Variants in HDAC9 observed in about 807,000 individuals in gnomAD.
The protein encoded by HDAC9 is histone deacetylase 9, also known as MEF-2 interacting transcription repressor (MITR) protein.
HDAC9 carries 41 observed loss-of-function variants against 139.4 expected under a neutral mutation model. The observed-to-expected ratio is 0.29, with a 90% confidence interval of 0.23 to 0.38. The LOEUF (loss-of-function observed/expected upper bound fraction) is 0.38, where lower values mean the gene tolerates loss of function less well. HDAC9 is among the 10% of genes least tolerant of loss of function. The probability of loss-of-function intolerance (pLI) is 1.00; values close to 1 mark genes in which losing one functional copy is unlikely to be tolerated. For synonymous variants in HDAC9, 517 were observed against 476.2 expected, an observed-to-expected ratio of 1.09 and a Z score of -1.12; for missense variants, 1,147 against 1,297.0, an observed-to-expected ratio of 0.88 and a Z score of 1.78.
chr7:18,426,829 A>G (rs2128757180), intron 1 of HDAC9, among the ~76,000 whole-genome samples: 1 of 152,378 alleles, frequency 6.6e-6, no homozygotes, highest in South Asian at 2.1e-4. Flanking sequence ...CACTAGACTC[A>G]GCAAACCTAT....
chr7:18,321,832 G>C (rs569536199), intron 1 of HDAC9, among the ~76,000 whole-genome samples: 1 of 152,254 alleles, frequency 6.6e-6, no homozygotes, highest in Non-Finnish European at 1.5e-5. Flanking sequence ...AAATTGGAGA[G>C]CTGTAACTTT....
intron 22 of HDAC9, among the ~76,000 whole-genome samples, chr7:18,912,313 A>G (rs1802813883): frequency 6.6e-6 from 1 of 152,110 alleles, no homozygotes; most frequent in Non-Finnish European, 1.5e-5. Context: ...ATGAACATAA[A>G]AACCTTTACC....
At chr7:18,138,401 G>A (rs577532351) in intron 1 of HDAC9, among the ~76,000 whole-genome samples, 85 of 152,120 alleles carry the variant, frequency 5.6e-4, no homozygotes, top group African/African-American at 2.0e-3. Context: ...ATTGCAAATG[G>A]TGTAAGAAGG....
intron 1 of HDAC9, among the ~76,000 whole-genome samples, chr7:18,463,308 T>C (rs1228419563): frequency 1.3e-5 from 2 of 152,030 alleles, no homozygotes; most frequent in African/African-American, 4.8e-5. Flanking sequence ...CGTGGTGTTA[T>C]TTCTTCCTTA....
intron 1 of HDAC9, among the ~76,000 whole-genome samples, chr7:18,306,238 TG>T (rs1798898788): frequency 6.6e-6 from 1 of 152,116 alleles, no homozygotes; most frequent in Admixed American, 6.5e-5. Flanking sequence ...CGTTATTAGT[TG>T]GGGGCTGCTG....
chr7:18,401,825 G>A (rs1461467570), intron 1 of HDAC9, among the ~76,000 whole-genome samples: 1 of 151,966 alleles, frequency 6.6e-6, no homozygotes, highest in Admixed American at 6.6e-5. Context: ...TTTTTATACA[G>A]GCAGTTTCTC....
chr7:18,392,309 TCTCTCTCACACA>T (rs1245930333), intron 1 of HDAC9, among the ~76,000 whole-genome samples: 7 of 131,242 alleles, frequency 5.3e-5, no homozygotes, highest in African/African-American at 9.8e-5. Flanking sequence ...TCTCTCTCTC[TCTCTCTCACACA>T]CACACACACA....
intron 9 of HDAC9, among the ~76,000 whole-genome samples, chr7:18,645,323 T>C (rs1480005257): frequency 6.6e-6 from 1 of 152,204 alleles, no homozygotes; most frequent in Non-Finnish European, 1.5e-5. Flanking sequence ...CGAATATGTA[T>C]CTGGAAAAAC....
rs370437825 is a variant in HDAC9 at position 18,883,823 on chromosome 7, A to G, written c.2803+9227A>G. 4.6e-5 allele frequency among the ~76,000 whole-genome samples: 7 copies of G among 152,108 alleles called. No homozygotes were observed. The East Asian group carries it at 1.2e-3, about 25-fold the overall frequency. ...CCAGCAAAAAAAACCTGATAAAACCAATAATTAAATACAGTAAACTTGCAG... is the reference window on the plus strand; with the variant it reads ...CCAGCAAAAAAAACCTGATAAAACCGATAATTAAATACAGTAAACTTGCAG... On this transcript the variant is annotated intron_variant, in intron 22 of 25. Coordinates refer to ENST00000686413, the MANE Select transcript of HDAC9 (RefSeq NM_178425.4).
At chr7:18,129,880 G>T (rs1784897217) in intron 1 of HDAC9, among the ~76,000 whole-genome samples, 2 of 152,124 alleles carry the variant, frequency 1.3e-5, no homozygotes, top group Non-Finnish European at 2.9e-5. Context: ...AGAGCATCCG[G>T]TTTCAAGTGA....
At chr7:18,209,000 A>G (rs1382129313) in intron 2 of HDAC9, among the ~76,000 whole-genome samples, 1 of 152,228 alleles carries the variant, frequency 6.6e-6, no homozygotes, top group African/African-American at 2.4e-5. Flanking sequence ...AAACAAAAGT[A>G]ATTAGTCAAC....
chr7:18,437,538 T>C (rs1791322081), intron 1 of HDAC9, among the ~76,000 whole-genome samples: 1 of 150,222 alleles, frequency 6.7e-6, no homozygotes, highest in Non-Finnish European at 1.5e-5. Context: ...TGTATATATA[T>C]ATATAATCTG....
At chr7:18,511,133 A>G (rs1249257970) in intron 2 of HDAC9, among the ~76,000 whole-genome samples, 1 of 152,182 alleles carries the variant, frequency 6.6e-6, no homozygotes, top group African/African-American at 2.4e-5. Context: ...ATCATTGTTC[A>G]TTTGTTTGCT....
At chr7:18,257,199 G>A (rs895377450) in intron 2 of HDAC9, among the ~76,000 whole-genome samples, 6 of 151,082 alleles carry the variant, frequency 4.0e-5, no homozygotes, top group East Asian at 2.0e-4. Flanking sequence ...ATTGGGTCAG[G>A]TGTGGTGGTT....
intron 2 of HDAC9, among the ~76,000 whole-genome samples, chr7:18,541,141 G>GTTTGTTTTTTTTT (rs1812710413): frequency 1.5e-5 from 1 of 65,452 alleles, no homozygotes; most frequent in African/African-American, 6.8e-5. Context: ...AAGGAACCGT[G>GTTTGTTTTTTTTT]TTTTTTTTTT....
chr7:18,593,893 C>A lies in HDAC9; in HGVS notation c.543-15C>A, dbSNP rs1394549800. 1 of 1,611,800 alleles carries A rather than the reference C, an allele frequency of 6.2e-7. No homozygotes were observed. Among genetic ancestry groups the A allele is most frequent in the African/African-American group, 1.3e-5 (1 of 74,810 alleles). Reference sequence around the variant, plus strand: ...AACTACCAAGTAAATAGTGAAACTTCCTTGTCTTTTCTAGGGCTGCCCACC... The same window carrying A: ...AACTACCAAGTAAATAGTGAAACTTACTTGTCTTTTCTAGGGCTGCCCACC... On this transcript the variant is annotated splice_polypyrimidine_tract_variant and intron_variant, in intron 5 of 25. Coordinates refer to ENST00000686413, the MANE Select transcript of HDAC9 (RefSeq NM_178425.4).
chr7:18,392,399 G>GGATAGATAGATA (rs58794891), intron 1 of HDAC9, among the ~76,000 whole-genome samples: 11 of 146,866 alleles, frequency 7.5e-5, no homozygotes, highest in African/African-American at 1.8e-4. Flanking sequence ...ATAGATAGAT[G>GGATAGATAGATA]GATAGATAGA....
rs1456796960 is a variant in HDAC9, at chr7:18,379,513, A to G, written c.-42+88998A>G. ...AATGGCCTCCTGTCCTATGAAAGAA[A>G]TTGAACTGAGTTAGGGTAAGGAATT... On this transcript the variant is annotated intron_variant, in intron 1 of 3. Transcript: ENST00000413509. Among the ~76,000 whole-genome samples, 3 of 152,244 alleles carry G rather than the reference A, an allele frequency of 2.0e-5. No homozygotes were observed. The East Asian group carries it at 5.8e-4, about 29-fold the overall frequency.
chr7:18,661,853 T>G (rs1793271874), intron 11 of HDAC9, among the ~76,000 whole-genome samples: 1 of 152,132 alleles, frequency 6.6e-6, no homozygotes, highest in South Asian at 2.1e-4. Flanking sequence ...ATAGAATTAT[T>G]TCTGTATTGC....
Sources: gnomAD v4.1 joint callset for allele counts (sites outside exome capture counted in the v4.1 genomes callset) on GRCh38, gnomAD v4.1.1 for gene constraint, MANE v1.5 for transcripts, NCBI Gene and HGNC (gene_info 2026-07-23, HGNC 2026-07-21) for gene names.